FSCN1: variants seen among roughly 807,000 people sequenced by gnomAD.
The protein encoded by FSCN1 is fascin actin-bundling protein 1.
Under a neutral mutation model 39.7 loss-of-function variants are expected in FSCN1, and 10 were observed. The ratio of observed to expected loss-of-function variants is 0.25; its 90% CI spans 0.16 to 0.43. FSCN1 has a LOEUF of 0.43. Ranked by LOEUF, FSCN1 falls within the 20% of genes least tolerant of loss-of-function variation. The pLI, the probability that FSCN1 is intolerant of heterozygous loss-of-function variation, is 1.00. For synonymous variants in FSCN1, 322 were observed against 320.0 expected, an observed-to-expected ratio of 1.01 and a Z score of -0.07; for missense variants, 525 against 723.8, an observed-to-expected ratio of 0.73 and a Z score of 3.15.
At position 5,606,327 on chromosome 7, in the gene FSCN1, G is replaced by A. The variant is rs562222545; in HGVS notation, c.*853G>A. On this transcript the variant is annotated 3_prime_UTR_variant, in exon 5 of 5. Coordinates refer to ENST00000382361, the MANE Select transcript of FSCN1 (RefSeq NM_003088.4). This position sits in a 1 kb window ranked among gnomAD's most constrained non-coding sequence, Gnocchi z 5.1. The stretch of plus-strand genomic sequence containing the variant: ...GGGGGGCGTCTCAGCACCCTCCCCA[G>A]GGGGTGCATCTCAGCCCCCTCTTTC... 3.9e-5 allele frequency: 6 copies of A among 152,230 alleles called. No individual in the cohort carries two copies. The East Asian group carries it at 1.2e-3, about 29-fold the overall frequency. 9.4% of individuals were successfully genotyped at this position (152,230 alleles called of 1,614,324 possible). A position where few individuals can be genotyped will look rare whatever the true frequency, so the allele number is the denominator to read the frequency against.
chr7:5,597,743 A>C (rs1396954028), intron 1 of FSCN1, among the ~76,000 whole-genome samples: 4 of 150,814 alleles, frequency 2.7e-5, no homozygotes, highest in East Asian at 3.9e-4. Context: ...TAAAAGAAAA[A>C]AGTTAAAAAA....
At chr7:5,598,494 C>A (rs1785769930) in intron 1 of FSCN1, among the ~76,000 whole-genome samples, 1 of 152,244 alleles carries the variant, frequency 6.6e-6, no homozygotes, top group Non-Finnish European at 1.5e-5. Flanking sequence ...CCCTGCGCAG[C>A]CATTGGAAGT....
Position 5,605,747 on chromosome 7 carries a change from C to A in FSCN1, c.*273C>A, listed in dbSNP as rs971119579. On this transcript the variant is annotated 3_prime_UTR_variant, in exon 5 of 5. Transcript: ENST00000382361. This position sits in a 1 kb window ranked among gnomAD's most constrained non-coding sequence, Gnocchi z 6.9. ...CCCTGCCCTCTTGTCTGCCACGGGG[C>A]GAGTCTGGCACCTCTTTCTTCTGAC... 5 of 428,352 alleles carry A rather than the reference C, an allele frequency of 1.2e-5. No homozygotes were observed. The highest frequency in any genetic ancestry group is 1.2e-4 in the East Asian group (3 of 25,710). The allele number at this position is 428,352 out of a possible 1,614,324, so 26.5% of individuals were successfully genotyped here. A position where few individuals can be genotyped will look rare whatever the true frequency, so the allele number is the denominator to read the frequency against.
Position 5,603,700 on chromosome 7 carries a change from C to A in FSCN1, c.1111+83C>A. The A allele has an allele frequency of 6.3e-7, 1 of 1,582,872 alleles. No homozygotes were observed. The highest frequency in any genetic ancestry group is 8.6e-7 in the Non-Finnish European group (1 of 1,156,498). ...TGCCGTGGTCACTTGGTAGCCCCAG[C>A]CAAGGCCTGCTCTGTGCTGGGCATC... On this transcript the variant is annotated intron_variant, in intron 3 of 4. Transcript: ENST00000382361. This position sits in a 1 kb window ranked among gnomAD's most constrained non-coding sequence, Gnocchi z 8.5.
chr7:5,605,676 C>G lies in FSCN1; in HGVS notation c.*202C>G. ...CCCTCCGCCCGGGTTCCCTACTCCC[C>G]TCGGGTCAGCGGCTGCGGCCTGGCC... On this transcript the variant is annotated 3_prime_UTR_variant, in exon 5 of 5. Coordinates refer to ENST00000382361, the MANE Select transcript of FSCN1 (RefSeq NM_003088.4). The surrounding 1 kb of genome is among the most constrained non-coding windows in gnomAD (Gnocchi z 6.9). 1 of 565,960 alleles carries G rather than the reference C, an allele frequency of 1.8e-6. No individual in the cohort carries two copies. The allele number at this position is 565,960 out of a possible 1,614,324, so 35.1% of individuals were successfully genotyped here.
chr7:5,600,905 C>G (rs533569489), intron 1 of FSCN1, among the ~76,000 whole-genome samples: 1 of 134,614 alleles, frequency 7.4e-6, no homozygotes, highest in East Asian at 2.4e-4. Context: ...CCGCCTGCCT[C>G]GGCCTCCCAA....
chr7:5,605,136 G>A lies in FSCN1; in HGVS notation c.1280-136G>A. The stretch of plus-strand genomic sequence containing the variant: ...GGACAGGAGGACGTGCGGGCCATAG[G>A]GACCCTGGCTCATTCCGGAGCCGGG... On this transcript the variant is annotated intron_variant, in intron 4 of 4. Transcript: ENST00000382361. The surrounding 1 kb of genome is among the most constrained non-coding windows in gnomAD (Gnocchi z 6.9). 1 of 659,354 alleles carries A rather than the reference G, an allele frequency of 1.5e-6. No individual in the cohort carries two copies. Among genetic ancestry groups the A allele is most frequent in the Admixed American group, 2.6e-5 (1 of 38,426 alleles). The allele number at this position is 659,354 out of a possible 1,614,324, so 40.8% of individuals were successfully genotyped here.
chr7:5,600,368 C>T (rs1037517558), intron 1 of FSCN1, among the ~76,000 whole-genome samples: 4 of 151,478 alleles, frequency 2.6e-5, no homozygotes, highest in Admixed American at 6.6e-5. Flanking sequence ...GAGGCGAGAT[C>T]GTGCCATTGC....
In FSCN1 at chr7:5,593,470, C is replaced by G; in HGVS notation, c.534C>G (p.Thr178=). 6.2e-7 allele frequency: 1 copy of G among 1,611,698 alleles called. No homozygotes were observed. The highest frequency in any genetic ancestry group is 8.5e-7 in the Non-Finnish European group (1 of 1,179,706). ...DVPWGVDSLI[T]LAFQDQRYSV... ...CCTGGGGCGTCGACTCGCTCATCAC[C>G]CTCGCCTTCCAGGACCAGCGCTACA... Residue 178 remains threonine (T), a synonymous_variant, in exon 1 of 5, where the codon ACC becomes ACG. Coordinates refer to ENST00000382361, the MANE Select transcript of FSCN1 (RefSeq NM_003088.4).
rs201349803 is a variant in FSCN1, at chr7:5,605,064, C to T, written c.1280-208C>T. On this transcript the variant is annotated intron_variant, in intron 4 of 4. Transcript: ENST00000382361. This position sits in a 1 kb window ranked among gnomAD's most constrained non-coding sequence, Gnocchi z 6.9. ...CTGGGATTACAGGCGTGAGCCACTG[C>T]GGCCGAGCAGAACACGTTCTAGGAC... Among the ~76,000 whole-genome samples the T allele has an allele frequency of 3.9e-5, 6 of 152,182 alleles. No individual in the cohort carries two copies. Among genetic ancestry groups the T allele is most frequent in the East Asian group, 1.9e-4 (1 of 5,192 alleles).
rs1196604715 is a variant in FSCN1 at position 5,594,050 on chromosome 7, C to G, written c.832+282C>G. On this transcript the variant is annotated intron_variant, in intron 1 of 4. Transcript: ENST00000382361. ...ACCGTACGTGCACCCTCCTAACCCC[C>G]CCCCCCGCCCAATCTTGGCTCTCCC... 10 of 409,662 alleles carry G rather than the reference C, an allele frequency of 2.4e-5. No homozygotes were observed. In the East Asian group the frequency reaches 2.9e-4, roughly 12 times the overall value. 25.4% of individuals were successfully genotyped at this position (409,662 alleles called of 1,614,324 possible).
intron 4 of FSCN1, among the ~76,000 whole-genome samples, chr7:5,604,272 GGGAGAGCAGGGAGGGGAA>G (rs1785889227): frequency 3.3e-5 from 5 of 151,852 alleles, no homozygotes; most frequent in Admixed American, 6.6e-5. Context: ...GTGTGTGGAG[GGGAGAGCAGGGAGGGGAA>G]GGAGAGCAGG....
chr7:5,600,736 C>G (rs1280744277), intron 1 of FSCN1, among the ~76,000 whole-genome samples: 1 of 151,802 alleles, frequency 6.6e-6, no homozygotes, highest in Non-Finnish European at 1.5e-5. Flanking sequence ...TCACTGCAAG[C>G]TCCACCTCCC....
At chr7:5,604,685 G>A (rs1785900462) in intron 4 of FSCN1, among the ~76,000 whole-genome samples, 2 of 149,210 alleles carry the variant, frequency 1.3e-5, no homozygotes, top group Admixed American at 6.7e-5. Context: ...ACCCAGTCTG[G>A]AGTGCAGTGG....
At chr7:5,594,186 G>A (rs1785687540) in intron 1 of FSCN1, among the ~76,000 whole-genome samples, 3 of 152,082 alleles carry the variant, frequency 2.0e-5, no homozygotes, top group Admixed American at 2.0e-4. Flanking sequence ...TCGGGGGTCC[G>A]AGGCAAGGGT....
intron 1 of FSCN1, among the ~76,000 whole-genome samples, chr7:5,595,879 A>C (rs1349627174): frequency 6.6e-6 from 1 of 152,076 alleles, no homozygotes; most frequent in Non-Finnish European, 1.5e-5. Flanking sequence ...GTTTTTGGCG[A>C]GCCTGGGCAG....
rs201349803 is a variant in FSCN1, at chr7:5,605,064, C to G, written c.1280-208C>G. ...CTGGGATTACAGGCGTGAGCCACTG[C>G]GGCCGAGCAGAACACGTTCTAGGAC... On this transcript the variant is annotated intron_variant, in intron 4 of 4. Coordinates refer to ENST00000382361, the MANE Select transcript of FSCN1 (RefSeq NM_003088.4). The surrounding 1 kb of genome is among the most constrained non-coding windows in gnomAD (Gnocchi z 6.9). Among the ~76,000 whole-genome samples the G allele has an allele frequency of 6.6e-6, 1 of 152,182 alleles. No homozygotes were observed. The highest frequency in any genetic ancestry group is 1.5e-5 in the Non-Finnish European group (1 of 68,046).
intron 1 of FSCN1, among the ~76,000 whole-genome samples, chr7:5,597,526 G>C (rs1310269202): frequency 2.0e-5 from 3 of 151,980 alleles, no homozygotes; most frequent in African/African-American, 4.8e-5. Context: ...AATTAGCCGG[G>C]CGTGGTGGCG....
chr7:5,602,936 C>G, intron 1 of FSCN1: 1 of 376,216 alleles, frequency 2.7e-6, no homozygotes, highest in Non-Finnish European at 4.9e-6. Flanking sequence ...TCTCAAACTC[C>G]TAGACTCAAA....
Sources: allele counts gnomAD v4.1 joint callset (sites outside exome capture counted in the v4.1 genomes callset), GRCh38; gene constraint gnomAD v4.1.1; non-coding constraint Gnocchi (gnomAD v3.1); transcripts MANE v1.5; gene names NCBI Gene and HGNC (gene_info 2026-07-23, HGNC 2026-07-21).